The following MRPS27 variants were observed in gnomAD, a reference collection of about 807,000 sequenced individuals.
MRPS27 encodes the protein mitochondrial ribosomal protein S27.
In MRPS27, 43 loss-of-function variants were observed where a neutral mutation model predicts 48.9. The observed-to-expected ratio is 0.88, with a 90% CI of 0.69 to 1.13. The LOEUF is 1.13. MRPS27 is among the 50% of genes most tolerant of loss of function. The pLI is 0.00. For missense variants in MRPS27, 467 were observed against 476.3 expected (o/e 0.98, Z 0.18); for synonymous variants, 188 against 171.9 (o/e 1.09, Z -0.73).
chr5:72,244,283 A>G (rs1057456066), intron 4 of MRPS27, among the ~76,000 whole-genome samples: 3 of 152,212 alleles, frequency 2.0e-5, no homozygotes, highest in African/African-American at 7.2e-5. Context: ...TAAATGCAGC[A>G]TAACAACACA....
chr5:72,290,347 G>A (rs908935687), intron 4 of MRPS27, among the ~76,000 whole-genome samples: 1 of 152,110 alleles, frequency 6.6e-6, no homozygotes, highest in Non-Finnish European at 1.5e-5. Context: ...CTTTTAAAAG[G>A]GGATCTCTTA....
At chr5:72,286,184 G>GT (rs770779105) in intron 4 of MRPS27, among the ~76,000 whole-genome samples, 11 of 152,120 alleles carry the variant, frequency 7.2e-5, no homozygotes, top group Non-Finnish European at 1.5e-4. Flanking sequence ...GCATGTGCGT[G>GT]TGTGTATATA....
At chr5:72,275,642 A>G (rs1322001934) in intron 4 of MRPS27, among the ~76,000 whole-genome samples, 1 of 152,258 alleles carries the variant, frequency 6.6e-6, no homozygotes. Context: ...AAGGATTCTT[A>G]GCAAAGCAAT....
rs759500368 is a variant in MRPS27 at position 72,320,160 on chromosome 5, A to G, written c.62T>C (p.Leu21Pro). 1.2e-6 allele frequency: 2 copies of G among 1,613,868 alleles called. No individual in the cohort carries two copies. The highest frequency in any genetic ancestry group is 2.2e-5 in the East Asian group (1 of 44,860). Residue 21 changes from leucine (L) to proline (P), a missense_variant, in exon 1 of 11, where the codon CTC (leucine) becomes CCC (proline). Leu to Pro is a moderately conservative substitution (Grantham distance 98). Transcript: ENST00000261413. ...GCTGTCCGGCCAACCTGCAGGAGAG[A>G]GCTGAGGAAGAACCACTTGCCGCGC... The part of the protein sequence containing the change: ...LLARQVVLPQ[L>P]SPAGKRYLLS...
intron 4 of MRPS27, among the ~76,000 whole-genome samples, chr5:72,279,224 G>C (rs1404878535): frequency 6.6e-6 from 1 of 152,156 alleles, no homozygotes; most frequent in Admixed American, 6.5e-5. Flanking sequence ...TGATTATTGA[G>C]AGTGAGCATC....
chr5:72,224,796 C>T (rs1434472084), intron 9 of MRPS27, among the ~76,000 whole-genome samples: 1 of 152,152 alleles, frequency 6.6e-6, no homozygotes, highest in African/African-American at 2.4e-5. Context: ...GACCCCTCTC[C>T]CCTCTACTTT....
intron 4 of MRPS27, among the ~76,000 whole-genome samples, chr5:72,238,726 A>C (rs12697910): frequency 6.6e-6 from 1 of 152,186 alleles, no homozygotes; most frequent in Non-Finnish European, 1.5e-5. Context: ...ATTGTAGCTC[A>C]TCAGTTTATC....
In MRPS27 at chr5:72,270,099, G is replaced by A. The variant is rs373014005; in HGVS notation, c.281+25432C>T. The stretch of plus-strand genomic sequence containing the variant: ...TGCCAGCTACTCAGGAGGCTGAGGC[G>A]GGAGAATCTCTTGAACCCAGGAGGC... On this transcript the variant is annotated intron_variant, in intron 4 of 10. Transcript: ENST00000261413. Among the ~76,000 whole-genome samples, 5 of 151,016 alleles carry A rather than the reference G, an allele frequency of 3.3e-5. No individual in the cohort carries two copies. The East Asian group carries it at 5.8e-4, about 18-fold the overall frequency.
chr5:72,295,473 A>C (rs1749952112), intron 4 of MRPS27, 58 bp downstream of exon 4: 1 of 1,300,612 alleles, frequency 7.7e-7, no homozygotes, highest in South Asian at 1.3e-5. Flanking sequence ...ACCAACTTTT[A>C]TGTAAAAAAG....
chr5:72,309,186 G>A (rs1190615079), intron 2 of MRPS27, among the ~76,000 whole-genome samples: 3 of 152,082 alleles, frequency 2.0e-5, no homozygotes, highest in Non-Finnish European at 4.4e-5. Flanking sequence ...TCAGTAAATG[G>A]TGGCTAGTAC....
At chr5:72,267,278 G>A (rs190300148) in intron 4 of MRPS27, among the ~76,000 whole-genome samples, 101 of 152,092 alleles carry the variant, frequency 6.6e-4, no homozygotes, top group African/African-American at 2.3e-3. Flanking sequence ...ATTTGAAACC[G>A]CCTAAAAATT....
intron 4 of MRPS27, among the ~76,000 whole-genome samples, chr5:72,292,800 A>G (rs1028798805): frequency 2.0e-5 from 3 of 152,210 alleles, no homozygotes; most frequent in Admixed American, 6.5e-5. Context: ...AGGTGAACCA[A>G]TGCCAAAGTT....
intron 4 of MRPS27, among the ~76,000 whole-genome samples, chr5:72,244,834 A>G (rs933919538): frequency 1.3e-5 from 2 of 151,966 alleles, no homozygotes; most frequent in African/African-American, 4.8e-5. Context: ...TTTCTGATAC[A>G]GAAAAAATAC....
intron 7 of MRPS27, among the ~76,000 whole-genome samples, chr5:72,230,270 T>C (rs1340634548): frequency 1.3e-5 from 2 of 152,186 alleles, no homozygotes; most frequent in Admixed American, 1.3e-4. Flanking sequence ...TCAAAGTTTT[T>C]CCATTTTATG....
intron 4 of MRPS27, among the ~76,000 whole-genome samples, chr5:72,259,463 C>T (rs1317992253): frequency 3.8e-5 from 4 of 104,678 alleles, no homozygotes; most frequent in Non-Finnish European, 5.7e-5. Context: ...AGTGAAACTT[C>T]GTCTCAAAAA....
intron 8 of MRPS27, among the ~76,000 whole-genome samples, chr5:72,226,514 T>C (rs1056088946): frequency 3.9e-5 from 6 of 152,210 alleles, no homozygotes; most frequent in African/African-American, 1.4e-4. Flanking sequence ...TATATGGCTC[T>C]AGGTAAGGAT....
intron 4 of MRPS27, among the ~76,000 whole-genome samples, chr5:72,290,939 T>A (rs1440917667): frequency 3.9e-5 from 6 of 152,176 alleles, no homozygotes; most frequent in Admixed American, 3.9e-4. Context: ...GGAAAGAGCA[T>A]GACTTCTTAC....
Position 72,221,059 on chromosome 5 carries a change from GGA to G in MRPS27, c.1093_1094del (p.Ser365HisfsTer3), listed in dbSNP as rs1306124069. 1.9e-6 allele frequency: 3 copies of G among 1,614,146 alleles called. No homozygotes were observed. Among genetic ancestry groups the G allele is most frequent in the Non-Finnish European group, 2.5e-6 (3 of 1,180,024 alleles). On this transcript the variant is annotated frameshift_variant, in exon 11 of 11. Coordinates refer to ENST00000261413, the MANE Select transcript of MRPS27 (RefSeq NM_015084.3). LOFTEE classifies it low-confidence loss of function (END_TRUNC). ...TGGCGATGTCCTCTGCTTCACAGGT[GGA>G]GAGTTTTTCCTTGACAAGCTGGGTG... is the stretch of plus-strand genomic sequence containing the variant. ...LTTQLVKEKL[S>X]TCEAEDIATY...
At chr5:72,301,025 C>A (rs1381329832) in intron 2 of MRPS27, among the ~76,000 whole-genome samples, 1 of 152,198 alleles carries the variant, frequency 6.6e-6, no homozygotes, top group Non-Finnish European at 1.5e-5. Context: ...AATTGGGTTT[C>A]CAAGGTTTGT....
Sources: gnomAD v4.1 joint callset for allele counts (sites outside exome capture counted in the v4.1 genomes callset) on GRCh38, gnomAD v4.1.1 for gene constraint, MANE v1.5 for transcripts, NCBI Gene and HGNC (gene_info 2026-07-23, HGNC 2026-07-21) for gene names.